The following ETV4 variants were observed in gnomAD, a reference collection of about 807,000 sequenced individuals.
ETV4 encodes ETS translocation variant 4.
In ETV4, 42 loss-of-function variants were observed where a neutral mutation model predicts 65.9. The ratio of observed to expected loss-of-function variants is 0.64; its 90% CI spans 0.50 to 0.82. The LOEUF is 0.82. ETV4 is among the 40% of genes least tolerant of loss of function. The probability of loss-of-function intolerance (pLI) is 0.00; values close to 1 mark genes in which losing one functional copy is unlikely to be tolerated. For synonymous variants in ETV4, 238 were observed against 260.0 expected (o/e 0.92, Z 0.81); for missense variants, 583 against 630.3 (o/e 0.92, Z 0.80).
At chr17:43,529,802 C>T (rs1970796985) in intron 10 of ETV4, 82 bp downstream of exon 10, 23 of 1,601,272 alleles carry the variant, frequency 1.4e-5, no homozygotes, top group Non-Finnish European at 1.8e-5. Context: ...CACCCTCTTG[C>T]AACAATGAAA....
At chr17:43,543,867 G>A (rs1268275458) in intron 4 of ETV4, 1 of 152,112 alleles carries the variant, frequency 6.6e-6, no homozygotes, top group Non-Finnish European at 1.5e-5. Flanking sequence ...ATATCATAGT[G>A]GGCAAGACAG....
At position 43,536,466 on chromosome 17, in the gene ETV4, G is replaced by T. The variant is rs1019048632; in HGVS notation, c.216C>A (p.Asp72Glu). 6.2e-7 allele frequency: 1 copy of T among 1,614,214 alleles called. No homozygotes were observed. The highest frequency in any genetic ancestry group is 8.5e-7 in the Non-Finnish European group (1 of 1,180,038). Reference sequence around the variant, plus strand: ...AATCAGGAACAAACTGCTCATCACTGTCTGGTACCTGAGCTGCAGAGAGAA... The same window carrying T: ...AATCAGGAACAAACTGCTCATCACTTTCTGGTACCTGAGCTGCAGAGAGAA... ...ETWLAEAQVP[D>E]SDEQFVPDFH... Residue 72 changes from aspartate (D) to glutamate (E), a missense_variant, in exon 5 of 13, where the codon GAC (aspartate) becomes GAA (glutamate). Physicochemically the swap from Asp to Glu is conservative, Grantham distance 45 (BLOSUM62 2). Coordinates refer to ENST00000319349, the MANE Select transcript of ETV4 (RefSeq NM_001079675.5).
intron 9 of ETV4, 32 bp from the exon 10 acceptor site, chr17:43,529,984 TG>T (rs1312914015): frequency 1.2e-6 from 2 of 1,613,848 alleles, no homozygotes; most frequent in East Asian, 4.5e-5. Context: ...TGCTCAGATC[TG>T]GGGGTTCACC....
rs566037821 is a variant in ETV4 at position 43,530,545 on chromosome 17, A to T, written c.812-364T>A. ...AAAGAGTTCGGTGTCCACGCCTAAG[A>T]CTCCCTCAGAATGGACAAAAATGTC... On this transcript the variant is annotated intron_variant, in intron 8 of 12. Coordinates refer to ENST00000319349, the MANE Select transcript of ETV4 (RefSeq NM_001079675.5). The T allele has an allele frequency of 1.6e-5, 12 of 743,618 alleles. No individual in the cohort carries two copies. In the East Asian group the frequency reaches 5.3e-4, roughly 33 times the overall value. 46.1% of individuals were successfully genotyped at this position (743,618 alleles called of 1,614,324 possible).
chr17:43,543,144 CAGAA>C, intron 4 of ETV4, among the ~76,000 whole-genome samples: 1 of 152,174 alleles, frequency 6.6e-6, no homozygotes, highest in Non-Finnish European at 1.5e-5. Flanking sequence ...GCTGCTCCCT[CAGAA>C]GGAAGGAGAG....
At chr17:43,543,298 A>T (rs113537607) in intron 4 of ETV4, among the ~76,000 whole-genome samples, 48 of 74,072 alleles carry the variant, frequency 6.5e-4, no homozygotes, top group African/African-American at 2.0e-3. Context: ...TCTCTCTCTC[A>T]CACACACACT....
chr17:43,543,297 C>CTCTG (rs1555559952), intron 4 of ETV4, among the ~76,000 whole-genome samples: 12 of 147,004 alleles, frequency 8.2e-5, no homozygotes, highest in African/African-American at 3.0e-4. Flanking sequence ...CTCTCTCTCT[C>CTCTG]ACACACACAC....
chr17:43,530,520 A>T (rs539119288), intron 8 of ETV4: 18 of 1,043,834 alleles, frequency 1.7e-5, no homozygotes, highest in Admixed American at 3.8e-5. Context: ...ACGTCCGGGG[A>T]AAGAGTTCGG....
At chr17:43,545,480 C>T in intron 2 of ETV4, 78 bp downstream of exon 2, 5 of 1,138,604 alleles carry the variant, frequency 4.4e-6, no homozygotes, top group Non-Finnish European at 5.8e-6. Flanking sequence ...TCCGCTGGGA[C>T]TGCGGGGAGG....
chr17:43,530,148 G>A lies in ETV4; in HGVS notation c.845C>T (p.Thr282Ile), dbSNP rs759361652. The A allele has an allele frequency of 3.8e-6, 6 of 1,563,026 alleles. No individual in the cohort carries two copies. The African/African-American group carries it at 5.5e-5, about 14-fold the overall frequency. ...VTGCASMYLH[T>I]EGFSGPSPGD... ...TGGAGAGGGCCCAGAGAAGCCCTCTGTGTGGAGGTACATTGATGCGCACCC... is the reference window on the plus strand; with the variant it reads ...TGGAGAGGGCCCAGAGAAGCCCTCTATGTGGAGGTACATTGATGCGCACCC... The change falls in exon 9 of 13, where the codon ACA (threonine) becomes ATA (isoleucine). Residue 282 changes from threonine (T) to isoleucine (I), a missense_variant. Physicochemically the swap from Thr to Ile is moderately conservative, Grantham distance 89. Coordinates refer to ENST00000319349, the MANE Select transcript of ETV4 (RefSeq NM_001079675.5).
Position 43,529,638 on chromosome 17 carries a change from C to G in ETV4, c.994G>C (p.Gly332Arg). 6.2e-7 allele frequency: 1 copy of G among 1,613,906 alleles called. No homozygotes were observed. Among genetic ancestry groups the G allele is most frequent in the Non-Finnish European group, 8.5e-7 (1 of 1,179,914 alleles). ...GCACCCCGGCGCTGGTAGGGCGGCC[C>G]CTCTCGAAATGCACCGACCCCTTCC... The part of the protein sequence containing the change: ...KQEGVGAFRE[G>R]PPYQRRGALQ... Residue 332 changes from glycine (G) to arginine (R), a missense_variant, in exon 11 of 13, where the codon GGG becomes CGG. By Grantham distance (125) the Gly-to-Arg change is moderately radical. Transcript: ENST00000319349.
intron 8 of ETV4, among the ~76,000 whole-genome samples, chr17:43,531,901 C>G (rs1431482097): frequency 6.6e-6 from 1 of 152,196 alleles, no homozygotes; most frequent in Non-Finnish European, 1.5e-5. Flanking sequence ...GTTCCTGTCA[C>G]AGTAGTTTGG....
rs185080005 is a variant in ETV4, at chr17:43,534,281, G to A, written c.257-296C>T. 4.5e-4 allele frequency among the ~76,000 whole-genome samples: 68 copies of A among 152,250 alleles called. 5 individuals carry two copies. The East Asian group carries it at 0.013, about 29-fold the overall frequency. On this transcript the variant is annotated intron_variant, in intron 5 of 12. Coordinates refer to ENST00000319349, the MANE Select transcript of ETV4 (RefSeq NM_001079675.5). ...TGTAATCCCAGCACTTTGGGAGGCA[G>A]GAGTCCAAGACCAGCCTGGCCAACA...
At position 43,535,850 on chromosome 17, in the gene ETV4, C is replaced by T. The variant is rs765774688; in HGVS notation, c.256+576G>A. 4.9e-4 allele frequency among the ~76,000 whole-genome samples: 75 copies of T among 152,318 alleles called. 1 individual carries two copies. Among genetic ancestry groups the T allele is most frequent in the Non-Finnish European group, 9.1e-4 (62 of 68,036 alleles). On this transcript the variant is annotated intron_variant, in intron 5 of 12. Coordinates refer to ENST00000319349, the MANE Select transcript of ETV4 (RefSeq NM_001079675.5). ...ACTGGGGGCGGGCGCACTGGGCTCA[C>T]GCCTGTAGTCCCAACACTATGGGAG...
chr17:43,530,559 G>T, intron 8 of ETV4: 1 of 580,436 alleles, frequency 1.7e-6, no homozygotes, highest in Non-Finnish European at 2.6e-6. Context: ...CCTCAGAATG[G>T]ACAAAAATGT....
At chr17:43,535,167 T>C (rs1037657765) in intron 5 of ETV4, among the ~76,000 whole-genome samples, 1 of 152,240 alleles carries the variant, frequency 6.6e-6, no homozygotes, top group African/African-American at 2.4e-5. Context: ...TCCAGTCAAA[T>C]GCCGTTTGTA....
intron 2 of ETV4, 91 bp from the exon 3 acceptor site, chr17:43,545,458 G>A: frequency 1.5e-6 from 2 of 1,290,838 alleles, no homozygotes; most frequent in Non-Finnish European, 2.1e-6. Context: ...CAGGGGCGGG[G>A]CAGCCCAGGA....
intron 1 of ETV4, chr17:43,545,934 C>CGTGTGTGTGTGTGTGTGTGT (rs531139204): frequency 3.0e-4 from 80 of 263,362 alleles, no homozygotes; most frequent in Non-Finnish European, 4.1e-4. Context: ...TACATAAGAA[C>CGTGTGTGTGTGTGTGTGTGT]GTGTGTGTGT....
At chr17:43,545,389 C>T in intron 2 of ETV4, 22 bp from the exon 3 acceptor site, 1 of 1,554,040 alleles carries the variant, frequency 6.4e-7, no homozygotes, top group Non-Finnish European at 8.7e-7. Flanking sequence ...GGGGAGAATG[C>T]CCGCGAGTCA....
Sources: gnomAD v4.1 joint callset for allele counts (sites outside exome capture counted in the v4.1 genomes callset) on GRCh38, gnomAD v4.1.1 for gene constraint, MANE v1.5 for transcripts, NCBI Gene and HGNC (gene_info 2026-07-23, HGNC 2026-07-21) for gene names.